ENOX2: variants seen among roughly 807,000 people sequenced by gnomAD.
ENOX2 encodes the protein ecto-NOX disulfide-thiol exchanger 2, also known as APK1 antigen.
Under a neutral mutation model 45.0 loss-of-function variants are expected in ENOX2, and 36 were observed. The observed-to-expected ratio is 0.80, with a 90% CI of 0.61 to 1.06. ENOX2 has a LOEUF of 1.06. Among genes scored for constraint, ENOX2 ranks in the 50% least tolerant of loss-of-function variants. The pLI is 0.00. For missense variants in ENOX2, 423 were observed against 462.5 expected (o/e 0.91, Z 0.78); for synonymous variants, 174 against 152.3 (o/e 1.14, Z -1.05).
chrX:130,724,410 T>TG (rs2038557767), intron 3 of ENOX2, among the ~76,000 whole-genome samples: 1 of 112,740 alleles, frequency 8.9e-6, no homozygotes, highest in African/African-American at 3.2e-5. Context: ...CTGTGCCATG[T>TG]GGGCATGTAT....
chrX:130,635,594 T>C (rs2035911350), intron 11 of ENOX2, among the ~76,000 whole-genome samples: 1 of 112,161 alleles, frequency 8.9e-6, no homozygotes, highest in South Asian at 3.7e-4. Context: ...ATTTATTGAG[T>C]GCCTAATATG....
rs1168800966 is a variant in ENOX2 at position 130,623,924 on chromosome X, T to C, written c.*1390A>G. ...ACTGAGGTATAAAAAGGAATATTTA[T>C]CTTTTAAAAATACAACTTTGAACAC... On this transcript the variant is annotated 3_prime_UTR_variant, in exon 15 of 15. Transcript: ENST00000394363. 2 of 112,417 alleles carry C rather than the reference T, an allele frequency of 1.8e-5. No individual in the cohort carries two copies. The highest frequency in any genetic ancestry group is 2.8e-4 in the East Asian group (1 of 3,602). 9.3% of individuals were successfully genotyped at this position (112,417 alleles called of 1,213,427 possible).
At chrX:130,686,953 TAA>T (rs1355275098) in intron 5 of ENOX2, among the ~76,000 whole-genome samples, 1 of 111,793 alleles carries the variant, frequency 8.9e-6, no homozygotes, top group Non-Finnish European at 1.9e-5. Flanking sequence ...GATGAAGAAC[TAA>T]AAGACGGAGC....
chrX:130,651,452 G>C (rs759256414), intron 10 of ENOX2, among the ~76,000 whole-genome samples: 3 of 112,110 alleles, frequency 2.7e-5, no homozygotes, highest in Non-Finnish European at 3.8e-5. Flanking sequence ...TGGCTGAATA[G>C]ATCCCAGTGC....
intron 10 of ENOX2, among the ~76,000 whole-genome samples, chrX:130,644,087 C>T (rs1304810104): frequency 9.0e-6 from 1 of 111,558 alleles, no homozygotes; most frequent in African/African-American, 3.3e-5. Flanking sequence ...ATAAGTAACA[C>T]ATAGATTAAA....
At chrX:130,870,290 TGTAA>T (rs1181033776) in intron 2 of ENOX2, among the ~76,000 whole-genome samples, 2 of 112,004 alleles carry the variant, frequency 1.8e-5, no homozygotes, top group African/African-American at 6.5e-5. Context: ...AAGAAACAAC[TGTAA>T]GTCACTGATT....
At chrX:130,812,214 C>A (rs753788766) in intron 2 of ENOX2, among the ~76,000 whole-genome samples, 1 of 111,372 alleles carries the variant, frequency 9.0e-6, no homozygotes, top group South Asian at 3.8e-4. Context: ...AAAAGAAGAT[C>A]AAAAGTCTCA....
At chrX:130,688,759 G>A (rs2037513278) in intron 5 of ENOX2, 104 bp downstream of exon 5, 2 of 696,613 alleles carry the variant, frequency 2.9e-6, no homozygotes, top group African/African-American at 2.2e-5. Flanking sequence ...TGAAGCTTTC[G>A]TACAAACATC....
At chrX:130,822,113 A>G (rs1420740066) in intron 2 of ENOX2, among the ~76,000 whole-genome samples, 1 of 108,407 alleles carries the variant, frequency 9.2e-6, no homozygotes, top group Non-Finnish European at 1.9e-5. Flanking sequence ...AGTAGAACAC[A>G]GAGGAGAGGA....
intron 2 of ENOX2, among the ~76,000 whole-genome samples, chrX:130,804,088 C>A (rs1205445566): frequency 9.0e-6 from 1 of 111,149 alleles, no homozygotes; most frequent in South Asian, 3.8e-4. Context: ...CTATTCCTTC[C>A]CTGCCCACCC....
intron 4 of ENOX2, among the ~76,000 whole-genome samples, chrX:130,701,627 G>A (rs1435668880): frequency 9.0e-6 from 1 of 111,078 alleles, no homozygotes; most frequent in Non-Finnish European, 1.9e-5. Flanking sequence ...GAGGACACTG[G>A]GTCTCAGAAG....
At chrX:130,658,775 G>A (rs994955988) in intron 9 of ENOX2, among the ~76,000 whole-genome samples, 11 of 112,166 alleles carry the variant, frequency 9.8e-5, no homozygotes. Context: ...GTATTCAGAG[G>A]CAAATTCTCT....
At chrX:130,713,526 A>T in intron 3 of ENOX2, among the ~76,000 whole-genome samples, 1 of 111,543 alleles carries the variant, frequency 9.0e-6, no homozygotes, top group Non-Finnish European at 1.9e-5. Context: ...ACTCCCCTTG[A>T]GAGGCTCTTT....
intron 4 of ENOX2, among the ~76,000 whole-genome samples, chrX:130,700,313 A>G (rs1020608631): frequency 8.9e-6 from 1 of 112,527 alleles, no homozygotes; most frequent in Non-Finnish European, 1.9e-5. Context: ...GAAGGGAACT[A>G]TTTAACTAAT....
At chrX:130,821,742 TAA>T in intron 2 of ENOX2, among the ~76,000 whole-genome samples, 241 of 23,133 alleles carry the variant, frequency 0.01, 3 homozygotes, top group African/African-American at 0.036. Flanking sequence ...ATAAATAAAT[TAA>T]AAAAAAAAAA....
intron 4 of ENOX2, among the ~76,000 whole-genome samples, chrX:130,697,428 C>A (rs1223023224): frequency 8.9e-6 from 1 of 112,231 alleles, no homozygotes; most frequent in East Asian, 2.8e-4. Flanking sequence ...TTGTGCCATG[C>A]CCATATTGGA....
intron 4 of ENOX2, among the ~76,000 whole-genome samples, chrX:130,692,671 C>T (rs1443973865): frequency 9.2e-6 from 1 of 108,128 alleles, no homozygotes; most frequent in Non-Finnish European, 1.9e-5. Flanking sequence ...ACCTCCGCCT[C>T]CCGGGTTCAA....
chrX:130,773,911 C>T (rs1393953358), intron 3 of ENOX2, among the ~76,000 whole-genome samples: 1 of 111,987 alleles, frequency 8.9e-6, no homozygotes, highest in Non-Finnish European at 1.9e-5. Context: ...AAGACTGTCC[C>T]CTTAGCACAC....
chrX:130,841,883 C>A (rs185190010), intron 2 of ENOX2, among the ~76,000 whole-genome samples: 2 of 112,230 alleles, frequency 1.8e-5, no homozygotes, highest in East Asian at 5.6e-4. Context: ...AAACAGTTAA[C>A]AGGGAGCTGG....
Sources: allele counts gnomAD v4.1 joint callset (sites outside exome capture counted in the v4.1 genomes callset), GRCh38; gene constraint gnomAD v4.1.1; transcripts MANE v1.5; gene names NCBI Gene and HGNC (gene_info 2026-07-23, HGNC 2026-07-21).